The following JDP2 variants were observed in gnomAD, a reference collection of about 807,000 sequenced individuals.
The protein encoded by JDP2 is Jun dimerization protein 2, also known as progesterone receptor co-activator.
A neutral mutation model predicts 17.1 loss-of-function variants in JDP2; 9 were observed. The ratio of observed to expected loss-of-function variants is 0.53; its 90% CI spans 0.32 to 0.92. The LOEUF is 0.92. Among genes scored for constraint, JDP2 ranks in the 40% least tolerant of loss-of-function variants. The pLI is 0.04. For synonymous variants in JDP2, 107 were observed against 95.6 expected, an observed-to-expected ratio of 1.12 and a Z score of -0.69; for missense variants, 179 against 220.0, an observed-to-expected ratio of 0.81 and a Z score of 1.18.
chr14:75,472,861 T>G lies in JDP2; in HGVS notation c.*3386T>G, dbSNP rs921918506. On this transcript the variant is annotated 3_prime_UTR_variant, in exon 4 of 4. Transcript: ENST00000651602. ...ATGCCTGGGATCGCAGACTCCTGGA[T>G]CTGTTCAGCTCCTGACTGGTCACAA... 1.3e-5 allele frequency: 2 copies of G among 152,290 alleles called. No individual in the cohort carries two copies. The highest frequency in any genetic ancestry group is 4.8e-5 in the African/African-American group (2 of 41,452). The allele number at this position is 152,290 out of a possible 1,614,324, so 9.4% of individuals were successfully genotyped here. A position where few individuals can be genotyped will look rare whatever the true frequency, so the allele number is the denominator to read the frequency against.
In JDP2 at chr14:75,469,649, G is replaced by A. The variant is rs1361394936; in HGVS notation, c.*174G>A. The A allele has an allele frequency of 1.5e-5, 9 of 618,442 alleles. No individual in the cohort carries two copies. The East Asian group carries it at 2.3e-4, about 16-fold the overall frequency. The allele number at this position is 618,442 out of a possible 1,614,324, so 38.3% of individuals were successfully genotyped here. ...TTGTGAAACTCAGATCAGCCACCCA[G>A]GAGGAAGAGCGGGCTGAGGAAACCC... On this transcript the variant is annotated 3_prime_UTR_variant, in exon 4 of 4. Transcript: ENST00000651602.
At chr14:75,465,528 C>G (rs1156416484) in intron 3 of JDP2, among the ~76,000 whole-genome samples, 1 of 152,168 alleles carries the variant, frequency 6.6e-6, no homozygotes, top group Non-Finnish European at 1.5e-5. Context: ...CCGGGGCTCC[C>G]TGTGTTGCCT....
chr14:75,435,277 C>G (rs1885011106), intron 1 of JDP2, among the ~76,000 whole-genome samples: 1 of 152,190 alleles, frequency 6.6e-6, no homozygotes, highest in Admixed American at 6.5e-5. Context: ...AGGCTCCAGT[C>G]CAGCTCAGAG....
chr14:75,463,797 T>A (rs1285298030), intron 3 of JDP2, among the ~76,000 whole-genome samples: 1 of 152,134 alleles, frequency 6.6e-6, no homozygotes, highest in Non-Finnish European at 1.5e-5. Context: ...TGCTAGATGC[T>A]GGGTTGCCTG....
In JDP2 at chr14:75,469,416, A is replaced by T. The variant is rs759959308; in HGVS notation, c.433A>T (p.Ser145Cys). ...CCCCACCTGCATCGTCCGGACCGACAGTGTCAAGACCCCCGAGTCAGAAGG... is the reference window on the plus strand; with the variant it reads ...CCCCACCTGCATCGTCCGGACCGACTGTGTCAAGACCCCCGAGTCAGAAGG... ...HRPTCIVRTD[S>C]VKTPESEGNP... The change falls in exon 4 of 4, where the codon AGT becomes TGT. Residue 145 changes from serine (S) to cysteine (C), a missense_variant. Transcript: ENST00000651602. 2 of 1,614,136 alleles carry T rather than the reference A, an allele frequency of 1.2e-6. No homozygotes were observed. The highest frequency in any genetic ancestry group is 4.5e-5 in the East Asian group (2 of 44,882).
Position 75,458,215 on chromosome 14 carries a change from A to AT in JDP2, c.202-3210dup, listed in dbSNP as rs145742116. Among the ~76,000 whole-genome samples the AT allele has an allele frequency of 2.4e-3, 360 of 152,310 alleles. 1 individual carries two copies. The highest frequency in any genetic ancestry group is 8.1e-3 in the African/African-American group (335 of 41,556). On this transcript the variant is annotated intron_variant, in intron 2 of 3. Coordinates refer to ENST00000651602, the MANE Select transcript of JDP2 (RefSeq NM_001135048.2). Reference sequence around the variant, plus strand: ...TCAGGGGTATGTGTGCAGATTTGTTATATAGGTAAATTCATGTCACGAGGG... The same window carrying AT: ...TCAGGGGTATGTGTGCAGATTTGTTATTATAGGTAAATTCATGTCACGAGGG...
chr14:75,450,555 G>T (rs1217806037), intron 2 of JDP2, among the ~76,000 whole-genome samples: 1 of 152,250 alleles, frequency 6.6e-6, no homozygotes, highest in Non-Finnish European at 1.5e-5. Flanking sequence ...CTTGTTCAGA[G>T]CCTTCACCTG....
chr14:75,457,418 A>C (rs1394060701), intron 2 of JDP2, among the ~76,000 whole-genome samples: 1 of 152,268 alleles, frequency 6.6e-6, no homozygotes, highest in Non-Finnish European at 1.5e-5. Context: ...TGGGGCATGA[A>C]GGCAGAGGGG....
In JDP2 at chr14:75,455,886, G is replaced by A. The variant is rs1472340691; in HGVS notation, c.202-5540G>A. The stretch of plus-strand genomic sequence containing the variant: ...TAGTCCAGGGGCTTTGGTACCGACC[G>A]AGGTGACCCACCTCTGCCTTTTATT... On this transcript the variant is annotated intron_variant, in intron 2 of 3. Coordinates refer to ENST00000651602, the MANE Select transcript of JDP2 (RefSeq NM_001135048.2). Among the ~76,000 whole-genome samples, 3 of 152,074 alleles carry A rather than the reference G, an allele frequency of 2.0e-5. No homozygotes were observed. The East Asian group carries it at 5.8e-4, about 29-fold the overall frequency.
At chr14:75,451,602 A>G (rs1396018826) in intron 2 of JDP2, among the ~76,000 whole-genome samples, 2 of 152,192 alleles carry the variant, frequency 1.3e-5, no homozygotes, top group Non-Finnish European at 2.9e-5. Context: ...CAGGCCAAGG[A>G]TGGGACCTGG....
chr14:75,454,429 C>T (rs1668379678), intron 2 of JDP2, among the ~76,000 whole-genome samples: 1 of 152,160 alleles, frequency 6.6e-6, no homozygotes, highest in Admixed American at 6.5e-5. Flanking sequence ...CTGAATAGAG[C>T]TGTGCTGGGT....
chr14:75,468,266 C>G (rs1047334437), intron 3 of JDP2, among the ~76,000 whole-genome samples: 1 of 152,300 alleles, frequency 6.6e-6, no homozygotes, highest in Non-Finnish European at 1.5e-5. Context: ...CTGGCATCTA[C>G]CTGCTAGATG....
At chr14:75,450,399 A>G (rs1234886776) in intron 2 of JDP2, among the ~76,000 whole-genome samples, 1 of 152,160 alleles carries the variant, frequency 6.6e-6, no homozygotes, top group East Asian at 1.9e-4. Context: ...GCAGAATCTA[A>G]GGCTGGAGCT....
At chr14:75,453,253 G>A (rs1409433725) in intron 2 of JDP2, among the ~76,000 whole-genome samples, 3 of 152,166 alleles carry the variant, frequency 2.0e-5, no homozygotes, top group African/African-American at 7.2e-5. Context: ...TTGGTATTTG[G>A]GTGTTTACTT....
chr14:75,462,156 A>G, intron 3 of JDP2, among the ~76,000 whole-genome samples: 1 of 152,110 alleles, frequency 6.6e-6, no homozygotes, highest in Non-Finnish European at 1.5e-5. Context: ...TTCATTTGGA[A>G]TGTGCCAAGC....
At chr14:75,456,386 C>G (rs977316718) in intron 2 of JDP2, among the ~76,000 whole-genome samples, 7 of 152,196 alleles carry the variant, frequency 4.6e-5, no homozygotes, top group African/African-American at 1.2e-4. Flanking sequence ...GTCTGTCTGC[C>G]TGTTTGTCGG....
intron 2 of JDP2, among the ~76,000 whole-genome samples, chr14:75,455,134 A>G (rs1317866662): frequency 6.6e-6 from 1 of 152,188 alleles, no homozygotes; most frequent in African/African-American, 2.4e-5. Context: ...TTCTCTGGGC[A>G]CACAAATCTG....
rs144113029 is a variant in JDP2 at position 75,438,900 on chromosome 14, G to T, written c.201+779G>T. 9.3e-3 allele frequency among the ~76,000 whole-genome samples: 1,414 copies of T among 152,350 alleles called. 21 individuals carry two copies. The highest frequency in any genetic ancestry group is 0.032 in the African/African-American group (1,343 of 41,582). On this transcript the variant is annotated intron_variant, in intron 2 of 3. Coordinates refer to ENST00000651602, the MANE Select transcript of JDP2 (RefSeq NM_001135048.2). ...CCCAGGGCTGGCCGTTTCTCTGAAG[G>T]CCTGTCCCAGCAAGGTTCCCAGCAG...
At chr14:75,443,724 A>G (rs1367540438) in intron 2 of JDP2, among the ~76,000 whole-genome samples, 1 of 152,144 alleles carries the variant, frequency 6.6e-6, no homozygotes, top group Non-Finnish European at 1.5e-5. Context: ...AGTCGGTCAC[A>G]CCCACTGTTA....
Sources: allele counts gnomAD v4.1 joint callset (sites outside exome capture counted in the v4.1 genomes callset), GRCh38; gene constraint gnomAD v4.1.1; transcripts MANE v1.5; gene names NCBI Gene and HGNC (gene_info 2026-07-23, HGNC 2026-07-21).